The following TNRC6B variants were observed in gnomAD, a reference collection of about 807,000 sequenced individuals.
The protein encoded by TNRC6B is trinucleotide repeat containing adaptor 6B.
A neutral mutation model predicts 203.6 loss-of-function variants in TNRC6B; 52 were observed. The observed-to-expected ratio is 0.26, with a 90% CI of 0.20 to 0.32. The LOEUF (loss-of-function observed/expected upper bound fraction) is 0.32, where lower values mean the gene tolerates loss of function less well. Among genes scored for constraint, TNRC6B ranks in the 10% least tolerant of loss-of-function variants. TNRC6B has a pLI of 1.00. For missense variants in TNRC6B, 1,923 were observed against 2,286.2 expected (o/e 0.84, Z 3.24); for synonymous variants, 838 against 845.7 (o/e 0.99, Z 0.16).
At position 40,334,280 on chromosome 22, in the gene TNRC6B, A is replaced by G. The variant is rs2044010932; in HGVS notation, c.*11039A>G. 1 of 152,658 alleles carries G rather than the reference A, an allele frequency of 6.6e-6. No individual in the cohort carries two copies. 9.5% of individuals were successfully genotyped at this position (152,658 alleles called of 1,614,324 possible). On this transcript the variant is annotated 3_prime_UTR_variant, in exon 23 of 23. Coordinates refer to ENST00000454349, the MANE Select transcript of TNRC6B (RefSeq NM_001162501.2). ...AGAAGACATCAAAAATGGTGCATGC[A>G]CCGTGAATGTGCTCACAGAGACACG... is the stretch of plus-strand genomic sequence containing the variant.
intron 3 of TNRC6B, among the ~76,000 whole-genome samples, chr22:40,139,235 T>A (rs982906712): frequency 5.9e-5 from 9 of 152,122 alleles, no homozygotes; most frequent in African/African-American, 2.2e-4. Context: ...TCAGTTAGCA[T>A]CATGTTTTCA....
chr22:40,203,133 T>C (rs113766326), intron 1 of TNRC6B, among the ~76,000 whole-genome samples: 4 of 152,258 alleles, frequency 2.6e-5, no homozygotes, highest in African/African-American at 9.6e-5. Flanking sequence ...GAAGTAGTTA[T>C]TGGTGATCAC....
rs1379270907 is a variant in TNRC6B at position 40,307,796 on chromosome 22, T to C, written c.4121-716T>C. On this transcript the variant is annotated intron_variant, in intron 15 of 22. Coordinates refer to ENST00000454349, the MANE Select transcript of TNRC6B (RefSeq NM_001162501.2). ...ACCTCCACCCACCCCACACTCAGGCTGCCAATTCTCTTCCTAAAATACATA... is the reference window on the plus strand; with the variant it reads ...ACCTCCACCCACCCCACACTCAGGCCGCCAATTCTCTTCCTAAAATACATA... 2.0e-5 allele frequency among the ~76,000 whole-genome samples: 3 copies of C among 152,196 alleles called. No homozygotes were observed. The East Asian group carries it at 5.8e-4, about 29-fold the overall frequency.
intron 21 of TNRC6B, among the ~76,000 whole-genome samples, chr22:40,318,792 A>C (rs1293761080): frequency 1.3e-5 from 2 of 152,204 alleles, no homozygotes; most frequent in Non-Finnish European, 2.9e-5. Flanking sequence ...AATGCTGGCC[A>C]GATGTGGTGG....
At chr22:40,277,000 T>A in intron 7 of TNRC6B, 77 bp from the exon 8 acceptor site, 1 of 1,128,370 alleles carries the variant, frequency 8.9e-7, no homozygotes. Context: ...AAGTCTACAT[T>A]TTCAGTCTGT....
intron 14 of TNRC6B, 43 bp downstream of exon 14, chr22:40,301,048 G>A: frequency 6.3e-7 from 1 of 1,591,808 alleles, no homozygotes; most frequent in Non-Finnish European, 8.6e-7. Flanking sequence ...TGTTGGAGGA[G>A]TACATCCCGG....
At chr22:40,106,637 C>A in intron 1 of TNRC6B, 1 of 735,262 alleles carries the variant, frequency 1.4e-6, no homozygotes, top group Non-Finnish European at 2.5e-6. Flanking sequence ...ATTTGGGTAC[C>A]CCCAAGCAAT....
intron 1 of TNRC6B, among the ~76,000 whole-genome samples, chr22:40,054,899 T>A (rs982559075): frequency 5.3e-5 from 8 of 149,934 alleles, no homozygotes; most frequent in African/African-American, 2.0e-4. Context: ...TAGCTGGTTG[T>A]AGTAGTGCGC....
chr22:40,047,746 T>C (rs979898319), intron 1 of TNRC6B, among the ~76,000 whole-genome samples: 2 of 152,250 alleles, frequency 1.3e-5, no homozygotes, highest in Non-Finnish European at 2.9e-5. Flanking sequence ...GTTCAAGGCT[T>C]TCAGAGCCCT....
intron 1 of TNRC6B, among the ~76,000 whole-genome samples, chr22:40,071,914 T>C (rs2067952313): frequency 6.6e-6 from 1 of 152,200 alleles, no homozygotes; most frequent in South Asian, 2.1e-4. Context: ...CTGGAGTACA[T>C]TGGCGCGATC....
chr22:40,204,591 A>G (rs1020738112), intron 1 of TNRC6B, among the ~76,000 whole-genome samples: 10 of 152,210 alleles, frequency 6.6e-5, no homozygotes, highest in Non-Finnish European at 1.0e-4. Context: ...TTGGGTTTCA[A>G]TGTTTGCACC....
intron 1 of TNRC6B, among the ~76,000 whole-genome samples, chr22:40,088,391 CTTAT>C (rs2146294650): frequency 6.6e-6 from 1 of 152,124 alleles, no homozygotes; most frequent in East Asian, 1.9e-4. Flanking sequence ...GTATCTGCAA[CTTAT>C]TTATTTTGTT....
chr22:40,266,545 G>T lies in TNRC6B; in HGVS notation c.2315G>T (p.Trp772Leu), dbSNP rs1465096634. ...TCTGCAAGTAAACCTGTGTCTGGGTGGGGTGAAGGAGGGCAGAATGAAATC... is the reference window on the plus strand; with the variant it reads ...TCTGCAAGTAAACCTGTGTCTGGGTTGGGTGAAGGAGGGCAGAATGAAATC... ...ESSASKPVSG[W>L]GEGGQNEIGT... is the part of the protein sequence containing the mutation. The change falls in exon 5 of 23, where the codon TGG (tryptophan) becomes TTG (leucine). Residue 772 changes from tryptophan (W) to leucine (L), a missense_variant. Transcript: ENST00000454349. 5 of 1,613,690 alleles carry T rather than the reference G, an allele frequency of 3.1e-6. No homozygotes were observed. In the Admixed American group the frequency reaches 8.3e-5, roughly 27 times the overall value.
At chr22:40,192,461 A>G (rs1489807355) in intron 1 of TNRC6B, among the ~76,000 whole-genome samples, 2 of 152,214 alleles carry the variant, frequency 1.3e-5, no homozygotes, top group African/African-American at 2.4e-5. Flanking sequence ...TACTAAAAAT[A>G]CAAAAATTAG....
chr22:40,239,001 A>G (rs1193446142), intron 1 of TNRC6B, among the ~76,000 whole-genome samples: 1 of 152,006 alleles, frequency 6.6e-6, no homozygotes, highest in African/African-American at 2.4e-5. Flanking sequence ...TCAGGAGTTC[A>G]AGACCAGGCC....
intron 3 of TNRC6B, among the ~76,000 whole-genome samples, chr22:40,148,323 T>G (rs1017866110): frequency 6.6e-6 from 1 of 151,016 alleles, no homozygotes; most frequent in Non-Finnish European, 1.5e-5. Context: ...CTTGCTCTGT[T>G]GCCAGGCTGC....
At chr22:40,321,794 A>G (rs550305038) in intron 22 of TNRC6B, 4 of 153,018 alleles carry the variant, frequency 2.6e-5, no homozygotes, top group South Asian at 2.1e-4. Context: ...CAAAAAAGAA[A>G]AAAAACACAC....
At chr22:40,234,796 A>T in intron 1 of TNRC6B, among the ~76,000 whole-genome samples, 1 of 152,170 alleles carries the variant, frequency 6.6e-6, no homozygotes, top group East Asian at 1.9e-4. Context: ...CCCTAGTGCT[A>T]TTTGGCCTTG....
chr22:40,093,260 G>T (rs1475399871), intron 1 of TNRC6B, among the ~76,000 whole-genome samples: 1 of 152,142 alleles, frequency 6.6e-6, no homozygotes, highest in Non-Finnish European at 1.5e-5. Flanking sequence ...TAAAGCTAAA[G>T]AAATTGTCCA....
Sources: allele counts gnomAD v4.1 joint callset (sites outside exome capture counted in the v4.1 genomes callset), GRCh38; gene constraint gnomAD v4.1.1; transcripts MANE v1.5; gene names NCBI Gene and HGNC (gene_info 2026-07-23, HGNC 2026-07-21).